The following SKA2 variants were observed in gnomAD, a reference collection of about 807,000 sequenced individuals.
SKA2 encodes spindle and kinetochore-associated protein 2.
A neutral mutation model predicts 16.9 loss-of-function variants in SKA2; 13 were observed. The observed-to-expected ratio is 0.77, with a 90% CI of 0.50 to 1.22. The LOEUF (loss-of-function observed/expected upper bound fraction) is 1.22, where lower values mean the gene tolerates loss of function less well. Ranked by LOEUF, SKA2 falls within the 50% of genes most tolerant of loss-of-function variation. The pLI is 0.00. For synonymous variants in SKA2, 47 were observed against 48.5 expected, an observed-to-expected ratio of 0.97 and a Z score of 0.13; for missense variants, 107 against 139.7, an observed-to-expected ratio of 0.77 and a Z score of 1.18.
intron 1 of SKA2, among the ~76,000 whole-genome samples, chr17:59,153,025 T>C (rs978929199): frequency 6.6e-6 from 1 of 152,184 alleles, no homozygotes; most frequent in Non-Finnish European, 1.5e-5. Context: ...TAAAACCTAC[T>C]TTTTCAAAAT....
At chr17:59,115,215 G>C (rs1156926977) in intron 3 of SKA2, among the ~76,000 whole-genome samples, 1 of 151,522 alleles carries the variant, frequency 6.6e-6, no homozygotes, top group Non-Finnish European at 1.5e-5. Context: ...CACCATGCCT[G>C]GCTAATTTTT....
At chr17:59,128,692 T>C (rs2046388395) in intron 2 of SKA2, among the ~76,000 whole-genome samples, 1 of 151,584 alleles carries the variant, frequency 6.6e-6, no homozygotes, top group Non-Finnish European at 1.5e-5. Context: ...TATTATATGA[T>C]TCTATTTATC....
At chr17:59,127,392 TTCTTTTCTTTTCTTTTGAGACAG>T (rs2046378887) in intron 2 of SKA2, among the ~76,000 whole-genome samples, 2 of 152,120 alleles carry the variant, frequency 1.3e-5, no homozygotes, top group African/African-American at 4.8e-5. Flanking sequence ...ACAATTTCTT[TTCTTTTCTTTTCTTTTGAGACAG>T]TCTTGATCTG....
rs1355920499 is a variant in SKA2 at position 59,111,307 on chromosome 17, G to A, written c.*970C>T. The A allele has an allele frequency of 6.6e-6, 1 of 152,044 alleles. No homozygotes were observed. Among genetic ancestry groups the A allele is most frequent in the Non-Finnish European group, 1.5e-5 (1 of 68,028 alleles). The allele number at this position is 152,044 out of a possible 1,614,324, so 9.4% of individuals were successfully genotyped here. ...TTTATTGGCAACTTGACCTCTTATT[G>A]TATACATACAGCATGATTTATTTTC... is the stretch of plus-strand genomic sequence containing the variant. On this transcript the variant is annotated 3_prime_UTR_variant, in exon 4 of 4. Coordinates refer to ENST00000330137, the MANE Select transcript of SKA2 (RefSeq NM_182620.4).
At chr17:59,151,027 G>A in intron 1 of SKA2, 1 of 386,266 alleles carries the variant, frequency 2.6e-6, no homozygotes, top group Non-Finnish European at 5.3e-6. Flanking sequence ...CTTTCTAAAA[G>A]ATATACTGTT....
intron 2 of SKA2, among the ~76,000 whole-genome samples, chr17:59,127,066 T>G (rs1288393217): frequency 6.6e-6 from 1 of 152,134 alleles, no homozygotes; most frequent in Non-Finnish European, 1.5e-5. Flanking sequence ...GTCAAATTGA[T>G]AGAGACAGAA....
chr17:59,138,833 T>C (rs763894438), intron 1 of SKA2, among the ~76,000 whole-genome samples: 7 of 152,130 alleles, frequency 4.6e-5, no homozygotes, highest in Non-Finnish European at 1.0e-4. Flanking sequence ...GAAAAGAATA[T>C]ATTGCGGTTG....
intron 2 of SKA2, among the ~76,000 whole-genome samples, chr17:59,120,425 T>A (rs11657745): frequency 0.058 from 8,850 of 151,902 alleles, 436 homozygotes; most frequent in South Asian, 0.26. Context: ...ATTTTTTTTT[T>A]AAATAGATAC....
intron 2 of SKA2, 93 bp from the exon 3 acceptor site, chr17:59,119,588 T>C: frequency 8.8e-7 from 1 of 1,130,322 alleles, no homozygotes; most frequent in South Asian, 1.4e-5. Flanking sequence ...CATTCTACCA[T>C]CCATTTAATT....
In SKA2 at chr17:59,127,599, C is replaced by T. The variant is rs531567367; in HGVS notation, c.120+3682G>A. ...GACGGGTTTCATCATGTTAGCCAGG[C>T]TGGTCTTAAACTCCTGACATCAGAT... is the stretch of plus-strand genomic sequence containing the variant. On this transcript the variant is annotated intron_variant, in intron 2 of 3. Coordinates refer to ENST00000330137, the MANE Select transcript of SKA2 (RefSeq NM_182620.4). Among the ~76,000 whole-genome samples, 85 of 152,156 alleles carry T rather than the reference C, an allele frequency of 5.6e-4. No individual in the cohort carries two copies. The South Asian group carries it at 6.4e-3, about 12-fold the overall frequency.
chr17:59,129,853 A>G (rs1029786123), intron 2 of SKA2, among the ~76,000 whole-genome samples: 1 of 139,634 alleles, frequency 7.2e-6, no homozygotes, highest in Non-Finnish European at 1.6e-5. Flanking sequence ...AAGGGAAAGG[A>G]AGGGAAGGGA....
At chr17:59,114,108 T>C (rs2046281505) in intron 3 of SKA2, among the ~76,000 whole-genome samples, 1 of 152,178 alleles carries the variant, frequency 6.6e-6, no homozygotes, top group African/African-American at 2.4e-5. Context: ...CCTAGTAACC[T>C]ACTTCCAGAC....
intron 3 of SKA2, among the ~76,000 whole-genome samples, chr17:59,117,773 A>G (rs553144966): frequency 5.9e-4 from 89 of 152,110 alleles, no homozygotes; most frequent in Admixed American, 3.3e-3. Context: ...TATATCCAAC[A>G]TTTCCCAATT....
chr17:59,122,158 G>T (rs2046339561), intron 2 of SKA2, among the ~76,000 whole-genome samples: 1 of 152,090 alleles, frequency 6.6e-6, no homozygotes, highest in South Asian at 2.1e-4. Flanking sequence ...GTCTGAGGCT[G>T]AATTAGTGAA....
At chr17:59,142,992 T>C (rs2046504213) in intron 1 of SKA2, among the ~76,000 whole-genome samples, 1 of 150,502 alleles carries the variant, frequency 6.6e-6, no homozygotes, top group Non-Finnish European at 1.5e-5. Flanking sequence ...AAGCTGGTCC[T>C]GAACTCCAGA....
At chr17:59,126,033 T>C (rs904805618) in intron 2 of SKA2, among the ~76,000 whole-genome samples, 7 of 151,818 alleles carry the variant, frequency 4.6e-5, no homozygotes, top group Non-Finnish European at 7.4e-5. Flanking sequence ...TAGCCGGGCT[T>C]GGTGGCGGGT....
chr17:59,132,434 C>T (rs929542993), intron 1 of SKA2, among the ~76,000 whole-genome samples: 2 of 152,098 alleles, frequency 1.3e-5, no homozygotes, highest in African/African-American at 2.4e-5. Context: ...GAGGCTGAGG[C>T]GGGCGGGTCA....
intron 1 of SKA2, among the ~76,000 whole-genome samples, chr17:59,131,957 C>T (rs779724337): frequency 1.3e-5 from 2 of 152,144 alleles, no homozygotes; most frequent in African/African-American, 2.4e-5. Context: ...AGCATGGGAA[C>T]TTGATCTGTA....
chr17:59,121,275 A>C (rs1046161007), intron 2 of SKA2, among the ~76,000 whole-genome samples: 2 of 152,204 alleles, frequency 1.3e-5, no homozygotes, highest in Non-Finnish European at 2.9e-5. Flanking sequence ...ATATACTTCC[A>C]GATCAAAGAA....
Sources: allele counts gnomAD v4.1 joint callset (sites outside exome capture counted in the v4.1 genomes callset), GRCh38; gene constraint gnomAD v4.1.1; transcripts MANE v1.5; gene names NCBI Gene and HGNC (gene_info 2026-07-23, HGNC 2026-07-21).